CASK: variants seen among roughly 807,000 people sequenced by gnomAD.
CASK encodes calcium/calmodulin dependent serine protein kinase.
In CASK, 4 loss-of-function variants were observed where a neutral mutation model predicts 82.9. The observed-to-expected ratio is 0.05, with a 90% CI of 0.02 to 0.11. CASK has a LOEUF of 0.11. Ranked by LOEUF, CASK falls within the 10% of genes least tolerant of loss-of-function variation. The probability of loss-of-function intolerance (pLI) is 1.00; values close to 1 mark genes in which losing one functional copy is unlikely to be tolerated. For missense variants in CASK, 358 were observed against 720.9 expected (o/e 0.50, Z 5.76); for synonymous variants, 259 against 253.5 (o/e 1.02, Z -0.20).
intron 8 of CASK, among the ~76,000 whole-genome samples, chrX:41,655,359 A>G (rs2066921660): frequency 9.1e-6 from 1 of 109,568 alleles, no homozygotes; most frequent in Non-Finnish European, 1.9e-5. Context: ...CCCAGTGACA[A>G]CCACTAGGAC....
At chrX:41,626,848 A>T (rs1373869970) in intron 9 of CASK, 145 bp from the exon 10 acceptor site, 2 of 470,729 alleles carry the variant, frequency 4.2e-6, no homozygotes, top group Admixed American at 3.3e-5. Flanking sequence ...TTTTTAAATT[A>T]TTTCAGATTC....
chrX:41,711,210 G>T (rs2067972507), intron 5 of CASK, among the ~76,000 whole-genome samples: 1 of 111,900 alleles, frequency 8.9e-6, no homozygotes, highest in Non-Finnish European at 1.9e-5. Context: ...GCTATCTCTA[G>T]GTACATAGTG....
intron 2 of CASK, among the ~76,000 whole-genome samples, chrX:41,843,760 A>G: frequency 9.0e-6 from 1 of 111,168 alleles, no homozygotes; most frequent in Non-Finnish European, 1.9e-5. Flanking sequence ...TATTCTGGAA[A>G]TTTCACATGA....
intron 5 of CASK, among the ~76,000 whole-genome samples, chrX:41,693,687 T>C (rs2067623539): frequency 8.9e-6 from 1 of 111,803 alleles, no homozygotes; most frequent in South Asian, 3.7e-4. Context: ...TATACCTTTC[T>C]ATAAACTTTC....
chrX:41,643,545 G>A (rs1602398267), intron 8 of CASK, among the ~76,000 whole-genome samples: 1 of 111,399 alleles, frequency 9.0e-6, no homozygotes, highest in African/African-American at 3.3e-5. Context: ...ATTGTGAATG[G>A]GAGTTCACTC....
intron 5 of CASK, among the ~76,000 whole-genome samples, chrX:41,707,155 A>C (rs181155415): frequency 8.9e-6 from 1 of 112,457 alleles, no homozygotes; most frequent in East Asian, 2.8e-4. Flanking sequence ...TCCCAGTTGA[A>C]TCTGGGCAGG....
At chrX:41,648,434 C>G (rs1183921918) in intron 8 of CASK, among the ~76,000 whole-genome samples, 1 of 111,260 alleles carries the variant, frequency 9.0e-6, no homozygotes, top group African/African-American at 3.3e-5. Context: ...TTGTAATATT[C>G]TATTACCCTG....
chrX:41,584,190 T>C (rs1255706394), intron 14 of CASK: 1 of 113,002 alleles, frequency 8.8e-6, no homozygotes, highest in East Asian at 2.8e-4. Context: ...ATAGATACTA[T>C]GGAGCAACTA....
intron 14 of CASK, among the ~76,000 whole-genome samples, chrX:41,581,780 A>C (rs1196226973): frequency 9.1e-6 from 1 of 109,800 alleles, no homozygotes; most frequent in Non-Finnish European, 1.9e-5. Context: ...TATTTCCCAC[A>C]TAAGATATTA....
chrX:41,578,038 C>A, intron 15 of CASK, among the ~76,000 whole-genome samples: 1 of 112,004 alleles, frequency 8.9e-6, no homozygotes, highest in East Asian at 2.8e-4. Flanking sequence ...TTGTCCCTTT[C>A]TTTGCTGCCC....
chrX:41,564,067 A>T (rs2065273570), intron 16 of CASK, among the ~76,000 whole-genome samples: 1 of 112,319 alleles, frequency 8.9e-6, no homozygotes, highest in Admixed American at 9.4e-5. Flanking sequence ...ACAGTCGGGC[A>T]GTACATAAAA....
chrX:41,902,041 C>T (rs991923062), intron 1 of CASK, among the ~76,000 whole-genome samples: 1 of 111,052 alleles, frequency 9.0e-6, no homozygotes, highest in African/African-American at 3.3e-5. Context: ...AGTCTGGAGG[C>T]CAAGTCTGCT....
intron 1 of CASK, among the ~76,000 whole-genome samples, chrX:41,855,999 A>AATAT (rs1368608919): frequency 8.9e-6 from 1 of 112,187 alleles, no homozygotes; most frequent in Admixed American, 9.4e-5. Context: ...ATATCACTAC[A>AATAT]ATATCCCCTA....
At chrX:41,639,996 T>C (rs2066622077) in intron 8 of CASK, among the ~76,000 whole-genome samples, 1 of 111,877 alleles carries the variant, frequency 8.9e-6, no homozygotes, top group African/African-American at 3.2e-5. Flanking sequence ...CCCTGAGTTG[T>C]TTCCATTTTT....
At chrX:41,583,635 T>C (rs1397023470) in intron 14 of CASK, among the ~76,000 whole-genome samples, 1 of 105,245 alleles carries the variant, frequency 9.5e-6, no homozygotes, top group Admixed American at 1.0e-4. Context: ...TTAGTAGAGA[T>C]GGGGTTTCAC....
chrX:41,787,753 T>C (rs192961100), intron 2 of CASK, among the ~76,000 whole-genome samples: 2 of 111,715 alleles, frequency 1.8e-5, no homozygotes, highest in East Asian at 2.8e-4. Flanking sequence ...CTAGCATTTA[T>C]AGACCTATCA....
intron 2 of CASK, among the ~76,000 whole-genome samples, chrX:41,802,605 T>C (rs931319249): frequency 5.3e-5 from 6 of 112,298 alleles, no homozygotes; most frequent in African/African-American, 1.9e-4. Flanking sequence ...AAGCACATCA[T>C]TGTAAAATTT....
intron 9 of CASK, among the ~76,000 whole-genome samples, chrX:41,628,534 C>A (rs1404700494): frequency 9.0e-6 from 1 of 111,368 alleles, no homozygotes; most frequent in Non-Finnish European, 1.9e-5. Context: ...TGAACTCCTG[C>A]GCTCAAGTGA....
At chrX:41,767,146 A>G (rs1416086481) in intron 3 of CASK, among the ~76,000 whole-genome samples, 4 of 112,233 alleles carry the variant, frequency 3.6e-5, no homozygotes, top group Non-Finnish European at 7.5e-5. Context: ...TAAAAGTTGC[A>G]AAGATAGTAC....
Sources: allele counts gnomAD v4.1 joint callset (sites outside exome capture counted in the v4.1 genomes callset), GRCh38; gene constraint gnomAD v4.1.1; transcripts MANE v1.5; gene names NCBI Gene and HGNC (gene_info 2026-07-23, HGNC 2026-07-21).